ADAMTSL1: variants seen among roughly 807,000 people sequenced by gnomAD.
ADAMTSL1 encodes ADAMTS-like protein 1.
A neutral mutation model predicts 201.8 loss-of-function variants in ADAMTSL1; 126 were observed. The observed-to-expected ratio is 0.62, with a 90% CI of 0.54 to 0.72. ADAMTSL1 has a LOEUF of 0.72. Ranked by LOEUF, ADAMTSL1 falls within the 30% of genes least tolerant of loss-of-function variation. The pLI is 0.00. For missense variants in ADAMTSL1, 2,679 were observed against 2,277.8 expected, an observed-to-expected ratio of 1.18 and a Z score of -3.59; for synonymous variants, 1,121 against 903.4, an observed-to-expected ratio of 1.24 and a Z score of -4.32.
chr9:18,407,468 G>A (rs1389985204), intron 2 of ADAMTSL1, among the ~76,000 whole-genome samples: 1 of 152,214 alleles, frequency 6.6e-6, no homozygotes, highest in Non-Finnish European at 1.5e-5. Context: ...GATTCTTTCA[G>A]AGGGAAGATG....
chr9:18,085,059 C>T (rs1228228770), intron 1 of ADAMTSL1, among the ~76,000 whole-genome samples: 1 of 152,084 alleles, frequency 6.6e-6, no homozygotes, highest in Non-Finnish European at 1.5e-5. Context: ...TGCTACCATG[C>T]TGAGCTGGGA....
intron 27 of ADAMTSL1, 94 bp from the exon 28 acceptor site, chr9:18,906,598 C>A (rs1830323122): frequency 6.6e-6 from 7 of 1,053,086 alleles, no homozygotes; most frequent in Non-Finnish European, 8.1e-6. Flanking sequence ...TGAGGAACCA[C>A]CTAACATTTC....
At chr9:18,000,576 T>C (rs1454818869) in intron 1 of ADAMTSL1, among the ~76,000 whole-genome samples, 1 of 152,058 alleles carries the variant, frequency 6.6e-6, no homozygotes, top group African/African-American at 2.4e-5. Flanking sequence ...TCTAGGAATT[T>C]ATAGGTGACT....
In ADAMTSL1 at chr9:18,329,817, C is replaced by A. The variant is rs73430921; in HGVS notation, c.207+165836C>A. Among the ~76,000 whole-genome samples, 1,320 of 152,250 alleles carry A rather than the reference C, an allele frequency of 8.7e-3. 29 individuals carry two copies. The highest frequency in any genetic ancestry group is 0.03 in the African/African-American group (1,249 of 41,544). On this transcript the variant is annotated intron_variant, in intron 2 of 29. Coordinates refer to the ADAMTSL1 transcript ENST00000680146. ...TCATTCATTCAGCAACCTTGCTATT[C>A]TTTGTTCTTTGCTTTGTATTTGCCA... is the stretch of plus-strand genomic sequence containing the variant.
At chr9:18,485,053 T>C (rs1397783303) in intron 1 of ADAMTSL1, among the ~76,000 whole-genome samples, 1 of 152,210 alleles carries the variant, frequency 6.6e-6, no homozygotes, top group African/African-American at 2.4e-5. Context: ...ATATACTGCA[T>C]TAAATTATCT....
intron 1 of ADAMTSL1, among the ~76,000 whole-genome samples, chr9:17,915,017 C>T (rs1299903213): frequency 1.3e-5 from 2 of 151,968 alleles, no homozygotes; most frequent in Non-Finnish European, 2.9e-5. Context: ...GTTAAAAATG[C>T]TACTAAGGAT....
intron 1 of ADAMTSL1, among the ~76,000 whole-genome samples, chr9:18,093,025 A>G (rs1824094730): frequency 6.6e-6 from 1 of 152,166 alleles, no homozygotes. Flanking sequence ...TTTAAGACTG[A>G]CCAATGGGAT....
intron 13 of ADAMTSL1, among the ~76,000 whole-genome samples, chr9:18,701,539 A>G (rs1831923300): frequency 6.6e-6 from 1 of 152,060 alleles, no homozygotes; most frequent in South Asian, 2.1e-4. Flanking sequence ...AATTTTTCTC[A>G]CATATTATTC....
intron 19 of ADAMTSL1, among the ~76,000 whole-genome samples, chr9:18,793,606 G>T (rs1020397873): frequency 1.3e-5 from 2 of 152,130 alleles, no homozygotes; most frequent in Non-Finnish European, 2.9e-5. Context: ...ATAATATTGG[G>T]TGAACAGTTT....
chr9:18,552,471 A>AT (rs1805039767), intron 3 of ADAMTSL1, among the ~76,000 whole-genome samples: 1 of 151,642 alleles, frequency 6.6e-6, no homozygotes, highest in Non-Finnish European at 1.5e-5. Context: ...ATTTGTTGAG[A>AT]TTTTGTTTGA....
chr9:18,501,405 A>G (rs1157228090), intron 1 of ADAMTSL1, among the ~76,000 whole-genome samples: 1 of 151,470 alleles, frequency 6.6e-6, no homozygotes, highest in Non-Finnish European at 1.5e-5. Context: ...CAGCTACTCA[A>G]GAGGCTGAGG....
intron 4 of ADAMTSL1, among the ~76,000 whole-genome samples, chr9:18,602,341 C>G (rs1824717618): frequency 1.3e-5 from 2 of 152,224 alleles, no homozygotes. Flanking sequence ...CATGAGCCTC[C>G]TCTCTTCTTT....
intron 23 of ADAMTSL1, among the ~76,000 whole-genome samples, chr9:18,841,486 G>A (rs981261476): frequency 1.3e-5 from 2 of 152,156 alleles, no homozygotes; most frequent in Non-Finnish European, 2.9e-5. Context: ...AAGGATATTG[G>A]TCTAAAATTC....
chr9:18,028,419 T>C (rs1249401694), intron 1 of ADAMTSL1, among the ~76,000 whole-genome samples: 1 of 152,178 alleles, frequency 6.6e-6, no homozygotes, highest in Non-Finnish European at 1.5e-5. Context: ...GAATTTCTTT[T>C]CTTAGAGAAT....
chr9:18,510,725 C>T (rs992172153), intron 2 of ADAMTSL1, among the ~76,000 whole-genome samples: 3 of 151,578 alleles, frequency 2.0e-5, no homozygotes, highest in African/African-American at 7.3e-5. Context: ...AATCTAGTAT[C>T]GCTAAGTAGA....
intron 15 of ADAMTSL1, among the ~76,000 whole-genome samples, chr9:18,751,352 A>G (rs1819457545): frequency 6.6e-6 from 1 of 152,210 alleles, no homozygotes; most frequent in Non-Finnish European, 1.5e-5. Flanking sequence ...GAAAGTGCAG[A>G]GGCTCTAGAG....
chr9:18,221,065 A>G (rs1830240034), intron 2 of ADAMTSL1, among the ~76,000 whole-genome samples: 1 of 152,138 alleles, frequency 6.6e-6, no homozygotes, highest in Non-Finnish European at 1.5e-5. Flanking sequence ...ATGAGTCGCC[A>G]TGCCCAGCCC....
At chr9:18,864,906 T>C (rs994092604) in intron 23 of ADAMTSL1, among the ~76,000 whole-genome samples, 6 of 152,214 alleles carry the variant, frequency 3.9e-5, no homozygotes, top group African/African-American at 1.4e-4. Flanking sequence ...TCCTTTTCCC[T>C]ATTTCATGTC....
chr9:18,331,788 T>C (rs1364357802), intron 2 of ADAMTSL1, among the ~76,000 whole-genome samples: 10 of 152,234 alleles, frequency 6.6e-5, no homozygotes, highest in Non-Finnish European at 4.4e-5. Flanking sequence ...TCAGTAGCTC[T>C]GGCATTGCTT....
Sources: gnomAD v4.1 joint callset for allele counts (sites outside exome capture counted in the v4.1 genomes callset) on GRCh38, gnomAD v4.1.1 for gene constraint, MANE v1.5 for transcripts, NCBI Gene and HGNC (gene_info 2026-07-23, HGNC 2026-07-21) for gene names.